The following WWOX variants were observed in gnomAD, a reference collection of about 807,000 sequenced individuals.
The protein encoded by WWOX is WW domain containing oxidoreductase, also known as WW domain-containing oxidoreductase.
In WWOX, 69 loss-of-function variants were observed where a neutral mutation model predicts 46.2. The observed-to-expected ratio is 1.49, with a 90% confidence interval of 1.23 to 1.82. WWOX has a LOEUF of 1.82. WWOX is among the 40% of genes most tolerant of loss of function. The pLI, the probability that WWOX is intolerant of heterozygous loss-of-function variation, is 0.00. For missense variants in WWOX, 919 were observed against 542.6 expected (o/e 1.69, Z -6.89); for synonymous variants, 359 against 202.6 (o/e 1.77, Z -6.56).
Position 78,393,840 on chromosome 16 carries a change from G to A in WWOX, c.605+6892G>A, listed in dbSNP as rs1461654132. 5.3e-5 allele frequency among the ~76,000 whole-genome samples: 8 copies of A among 150,380 alleles called. No individual in the cohort carries two copies. The East Asian group carries it at 1.6e-3, about 29-fold the overall frequency. ...TTAGAAGATAATATAGAACAGTGGT[G>A]TTTTTTTAATTAAAAAAAAGGTTAA... On this transcript the variant is annotated intron_variant, in intron 6 of 8. Transcript: ENST00000566780.
At chr16:78,216,913 G>C (rs748355094) in intron 5 of WWOX, among the ~76,000 whole-genome samples, 5 of 152,066 alleles carry the variant, frequency 3.3e-5, no homozygotes, top group Non-Finnish European at 1.5e-5. Flanking sequence ...AGTAGAGATG[G>C]GGTTTCACCA....
chr16:78,586,699 A>G (rs764379677), intron 8 of WWOX, among the ~76,000 whole-genome samples: 2 of 152,214 alleles, frequency 1.3e-5, no homozygotes, highest in Non-Finnish European at 2.9e-5. Context: ...CTTTCACATA[A>G]TCTCATTTCA....
chr16:78,874,420 C>G (rs997228823), intron 8 of WWOX, among the ~76,000 whole-genome samples: 1 of 152,102 alleles, frequency 6.6e-6, no homozygotes, highest in African/African-American at 2.4e-5. Flanking sequence ...GTCCCGCTCC[C>G]TTGGAATGCA....
At chr16:78,479,597 A>T (rs928835308) in intron 8 of WWOX, among the ~76,000 whole-genome samples, 5 of 152,184 alleles carry the variant, frequency 3.3e-5, no homozygotes, top group Non-Finnish European at 5.9e-5. Flanking sequence ...CCCATTCCCT[A>T]GAATAGACTG....
chr16:78,308,309 A>C lies in WWOX; in HGVS notation c.517-78551A>C, dbSNP rs558105349. Among the ~76,000 whole-genome samples the C allele has an allele frequency of 3.9e-5, 6 of 152,300 alleles. No homozygotes were observed. The East Asian group carries it at 1.2e-3, about 29-fold the overall frequency. ...CTGAATGGATCCCTGCCTCTGGGCC[A>C]AGGGGATTCCGAAATAAACCTGAAA... On this transcript the variant is annotated intron_variant, in intron 5 of 8. Transcript: ENST00000566780.
intron 8 of WWOX, among the ~76,000 whole-genome samples, chr16:78,663,171 G>C (rs935701874): frequency 2.6e-5 from 4 of 152,002 alleles, no homozygotes; most frequent in African/African-American, 9.7e-5. Context: ...TTATACCCCC[G>C]ATCTCTTGAC....
chr16:79,104,398 C>A (rs1379857783), intron 8 of WWOX, among the ~76,000 whole-genome samples: 1 of 152,094 alleles, frequency 6.6e-6, no homozygotes, highest in Non-Finnish European at 1.5e-5. Flanking sequence ...AATTTTACAG[C>A]GAACCACCAT....
chr16:78,779,654 C>G (rs149978069), intron 8 of WWOX, among the ~76,000 whole-genome samples: 90 of 152,276 alleles, frequency 5.9e-4, no homozygotes, highest in Middle Eastern at 6.8e-3. Context: ...GCAGAGGGCC[C>G]CAGTTCACAC....
intron 8 of WWOX, among the ~76,000 whole-genome samples, chr16:79,053,581 C>T (rs977951118): frequency 6.6e-6 from 1 of 152,150 alleles, no homozygotes; most frequent in Non-Finnish European, 1.5e-5. Flanking sequence ...ATTAAAGCAA[C>T]TTGGAAGATA....
In WWOX at chr16:78,991,375, C is replaced by G. The variant is rs561254258; in HGVS notation, c.1057-220233C>G. 4.1e-4 allele frequency among the ~76,000 whole-genome samples: 63 copies of G among 152,232 alleles called. No individual in the cohort carries two copies. In the South Asian group the frequency reaches 0.013, roughly 32 times the overall value. On this transcript the variant is annotated intron_variant, in intron 8 of 8. Coordinates refer to ENST00000566780, the MANE Select transcript of WWOX (RefSeq NM_016373.4). ...TTGGGAGGCTGAGATGGGAGGATCA[C>G]TTGAGCCCAGGAGTTTGAGGCCAGC...
chr16:78,962,082 G>A (rs1455780326), intron 8 of WWOX, among the ~76,000 whole-genome samples: 1 of 152,034 alleles, frequency 6.6e-6, no homozygotes, highest in African/African-American at 2.4e-5. Flanking sequence ...CCATAAAGGA[G>A]CTTTGGAAAG....
At chr16:78,884,141 G>C (rs549719230) in intron 8 of WWOX, among the ~76,000 whole-genome samples, 1 of 151,884 alleles carries the variant, frequency 6.6e-6, no homozygotes, top group South Asian at 2.1e-4. Flanking sequence ...GCATAGTGGC[G>C]TATGCCTGTA....
At chr16:78,788,538 G>C (rs772269340) in intron 8 of WWOX, among the ~76,000 whole-genome samples, 1 of 152,316 alleles carries the variant, frequency 6.6e-6, no homozygotes, top group Non-Finnish European at 1.5e-5. Flanking sequence ...CTTCCAGATA[G>C]CTGAAGACAA....
chr16:78,548,659 G>A (rs1027240230), intron 8 of WWOX, among the ~76,000 whole-genome samples: 18 of 151,970 alleles, frequency 1.2e-4, no homozygotes, highest in Non-Finnish European at 1.9e-4. Context: ...TGTTCCATCC[G>A]CCTGCCACAG....
At chr16:78,996,238 T>C (rs2046984931) in intron 8 of WWOX, 1 of 985,144 alleles carries the variant, frequency 1.0e-6, no homozygotes, top group Admixed American at 6.2e-5. Flanking sequence ...GAAGTAACCT[T>C]GAAAAGGGCA....
intron 8 of WWOX, among the ~76,000 whole-genome samples, chr16:79,119,907 G>A (rs1345074087): frequency 6.6e-6 from 1 of 152,188 alleles, no homozygotes; most frequent in Non-Finnish European, 1.5e-5. Flanking sequence ...GTGGCAGTGG[G>A]CTGGGCAGGA....
intron 5 of WWOX, among the ~76,000 whole-genome samples, chr16:78,267,590 C>A (rs2079393572): frequency 6.6e-6 from 1 of 152,190 alleles, no homozygotes; most frequent in South Asian, 2.1e-4. Context: ...GAGGAAGGCT[C>A]AGTCCTTGGC....
chr16:79,066,497 G>C (rs1384326388), intron 8 of WWOX, among the ~76,000 whole-genome samples: 2 of 152,228 alleles, frequency 1.3e-5, no homozygotes, highest in South Asian at 4.1e-4. Flanking sequence ...AGGAAGGAAG[G>C]GGGAAGGGAA....
At chr16:78,721,401 ATTC>A (rs2048685883) in intron 8 of WWOX, among the ~76,000 whole-genome samples, 2 of 151,888 alleles carry the variant, frequency 1.3e-5, no homozygotes, top group Non-Finnish European at 2.9e-5. Flanking sequence ...GACAACAATT[ATTC>A]TTATTGTATG....
Sources: allele counts gnomAD v4.1 joint callset (sites outside exome capture counted in the v4.1 genomes callset), GRCh38; gene constraint gnomAD v4.1.1; transcripts MANE v1.5; gene names NCBI Gene and HGNC (gene_info 2026-07-23, HGNC 2026-07-21).